Variants in NR3C2 observed in about 807,000 individuals in gnomAD.
The protein encoded by NR3C2 is mineralocorticoid receptor.
In NR3C2, 15 loss-of-function variants were observed where a neutral mutation model predicts 86.4. That is an observed-to-expected ratio of 0.17 (90% CI 0.12 to 0.27). The LOEUF (loss-of-function observed/expected upper bound fraction) is 0.27. NR3C2 is among the 10% of genes least tolerant of loss of function. The pLI, the probability that NR3C2 is intolerant of heterozygous loss-of-function variation, is 1.00. For missense variants in NR3C2, 960 were observed against 1,195.6 expected, an observed-to-expected ratio of 0.80 and a Z score of 2.91; for synonymous variants, 458 against 450.5, an observed-to-expected ratio of 1.02 and a Z score of -0.21.
At chr4:148,356,459 C>T (rs776626480) in intron 2 of NR3C2, among the ~76,000 whole-genome samples, 2 of 152,112 alleles carry the variant, frequency 1.3e-5, no homozygotes, top group African/African-American at 2.4e-5. Flanking sequence ...AAAAAAGTGA[C>T]GTTTTTCTGT....
At chr4:148,369,644 A>G (rs1408759032) in intron 2 of NR3C2, among the ~76,000 whole-genome samples, 1 of 152,196 alleles carries the variant, frequency 6.6e-6, no homozygotes, top group African/African-American at 2.4e-5. Context: ...TCTTCATTTT[A>G]AAGTATAATC....
Position 148,260,060 on chromosome 4 carries a change from C to T in NR3C2, c.1815G>A (p.Val605=), listed in dbSNP as rs1163882829. The change falls in exon 3 of 9, where the codon GTG becomes GTA. Residue 605 remains valine, a synonymous_variant. Transcript: ENST00000358102. ...GGCATCCTGAAGCCTCATCCCCACA[C>T]ACCAAACATATTTTTGAAGGTCTTG... The part of the protein sequence containing the change: ...GSSRPSKICL[V]CGDEASGCHY... The T allele has an allele frequency of 1.9e-6, 3 of 1,614,016 alleles. No individual in the cohort carries two copies. The highest frequency in any genetic ancestry group is 8.5e-7 in the Non-Finnish European group (1 of 1,180,034).
chr4:148,390,071 C>T (rs754130078), intron 2 of NR3C2, among the ~76,000 whole-genome samples: 66 of 149,814 alleles, frequency 4.4e-4, no homozygotes, highest in Non-Finnish European at 4.6e-4. Context: ...GGAGAGGTAA[C>T]GTCCGGGCAA....
At chr4:148,319,889 C>G (rs1156325151) in intron 2 of NR3C2, among the ~76,000 whole-genome samples, 1 of 140,608 alleles carries the variant, frequency 7.1e-6, no homozygotes, top group African/African-American at 2.8e-5. Flanking sequence ...TGCCTAATTG[C>G]CCTGGCCAGA....
At chr4:148,303,214 A>G (rs1198641134) in intron 2 of NR3C2, among the ~76,000 whole-genome samples, 1 of 152,202 alleles carries the variant, frequency 6.6e-6, no homozygotes, top group Non-Finnish European at 1.5e-5. Flanking sequence ...TTCTAGACTC[A>G]TTAGTTGTTT....
At chr4:148,426,113 C>T (rs939145085) in intron 2 of NR3C2, among the ~76,000 whole-genome samples, 2 of 152,186 alleles carry the variant, frequency 1.3e-5, no homozygotes, top group African/African-American at 4.8e-5. Context: ...CTTTGCGCTA[C>T]CATCTCCTCC....
At chr4:148,442,600 C>G (rs1320855499), upstream of NR3C2, 46 of 975,896 alleles carry the variant, frequency 4.7e-5, no homozygotes, top group Non-Finnish European at 5.2e-5. Context: ...CGAAGAGAAG[C>G]AAGGCTCCAC....
chr4:148,134,030 A>G (rs1199013402), intron 6 of NR3C2, among the ~76,000 whole-genome samples: 1 of 152,188 alleles, frequency 6.6e-6, no homozygotes, highest in African/African-American at 2.4e-5. Flanking sequence ...CCTAGAAAAC[A>G]TTTTTGGATG....
At position 148,260,057 on chromosome 4, in the gene NR3C2, A is replaced by G; in HGVS notation, c.1818T>C (p.Cys606=). Residue 606 remains cysteine (C), a synonymous_variant, in exon 3 of 9, where the codon TGT becomes TGC. Transcript: ENST00000358102. ...SSRPSKICLV[C]GDEASGCHYG... ...AATGGCATCCTGAAGCCTCATCCCC[A>G]CACACCAAACATATTTTTGAAGGTC... 6.2e-7 allele frequency: 1 copy of G among 1,614,080 alleles called. No homozygotes were observed.
At chr4:148,334,268 C>A (rs577500988) in intron 2 of NR3C2, among the ~76,000 whole-genome samples, 1 of 152,154 alleles carries the variant, frequency 6.6e-6, no homozygotes, top group Non-Finnish European at 1.5e-5. Context: ...ATGGACCAGG[C>A]GCGGTGGCTC....
chr4:148,108,766 A>ACTAAC (rs1731917636), intron 8 of NR3C2, among the ~76,000 whole-genome samples: 1 of 152,122 alleles, frequency 6.6e-6, no homozygotes, highest in Admixed American at 6.5e-5. Flanking sequence ...TGCTCAGCTC[A>ACTAAC]TGTTGAGGCC....
At chr4:148,280,211 A>C (rs1741164903) in intron 2 of NR3C2, among the ~76,000 whole-genome samples, 1 of 152,202 alleles carries the variant, frequency 6.6e-6, no homozygotes, top group African/African-American at 2.4e-5. Context: ...GAAATCTTAA[A>C]GCATGCTATA....
chr4:148,375,193 C>T (rs573222813), intron 2 of NR3C2, among the ~76,000 whole-genome samples: 3 of 152,308 alleles, frequency 2.0e-5, no homozygotes, highest in Admixed American at 1.3e-4. Flanking sequence ...CAGTGGCTCA[C>T]GCCTGTATCC....
chr4:148,399,707 CACAT>C (rs1368694877), intron 2 of NR3C2, among the ~76,000 whole-genome samples: 80 of 138,178 alleles, frequency 5.8e-4, no homozygotes, highest in African/African-American at 1.6e-3. Context: ...CACACACACA[CACAT>C]ACATATATAC....
rs1416441911 is a variant in NR3C2, at chr4:148,081,329, C to T, written c.*15G>A. 1.2e-6 allele frequency: 2 copies of T among 1,614,192 alleles called. No individual in the cohort carries two copies. Among genetic ancestry groups the T allele is most frequent in the East Asian group, 2.2e-5 (1 of 44,880 alleles). ...CAGGGAAACTTAAGGCAAAGTTCTT[C>T]TGGGCAGCGGGCAGTCACTTCCGGT... On this transcript the variant is annotated 3_prime_UTR_variant, in exon 9 of 9. Transcript: ENST00000358102.
chr4:148,402,084 G>A (rs569639917), intron 2 of NR3C2, among the ~76,000 whole-genome samples: 120 of 152,274 alleles, frequency 7.9e-4, no homozygotes, highest in Admixed American at 1.4e-3. Context: ...CAGATTGTAG[G>A]TTCCACAATG....
intron 2 of NR3C2, among the ~76,000 whole-genome samples, chr4:148,267,270 T>C (rs573008320): frequency 1.0e-4 from 15 of 147,782 alleles, no homozygotes; most frequent in African/African-American, 3.0e-4. Flanking sequence ...ATTCCATCTA[T>C]AATTCTTTTT....
At chr4:148,431,692 C>A (rs1471509601) in intron 2 of NR3C2, among the ~76,000 whole-genome samples, 1 of 152,188 alleles carries the variant, frequency 6.6e-6, no homozygotes, top group Non-Finnish European at 1.5e-5. Context: ...CACCTCACAG[C>A]CATTACTCAT....
intron 2 of NR3C2, among the ~76,000 whole-genome samples, chr4:148,289,423 C>G (rs1164861691): frequency 6.6e-6 from 1 of 152,136 alleles, no homozygotes; most frequent in Admixed American, 6.5e-5. Context: ...ATGCTCAATA[C>G]CTCTTGGCAT....
Sources: allele counts gnomAD v4.1 joint callset (sites outside exome capture counted in the v4.1 genomes callset), GRCh38; gene constraint gnomAD v4.1.1; transcripts MANE v1.5; gene names NCBI Gene and HGNC (gene_info 2026-07-23, HGNC 2026-07-21).